C1QTNF7: variants seen among roughly 807,000 people sequenced by gnomAD.
C1QTNF7 encodes C1q and TNF related 7, also known as complement C1q tumor necrosis factor-related protein 7.
In C1QTNF7, 15 loss-of-function variants were observed where a neutral mutation model predicts 19.6. The observed-to-expected ratio is 0.76, with a 90% CI of 0.51 to 1.18. The LOEUF (loss-of-function observed/expected upper bound fraction) is 1.18, where lower values mean the gene tolerates loss of function less well. Among genes scored for constraint, C1QTNF7 ranks in the 50% most tolerant of loss-of-function variants. The pLI is 0.00. For synonymous variants in C1QTNF7, 142 were observed against 137.5 expected (o/e 1.03, Z -0.23); for missense variants, 324 against 359.7 (o/e 0.90, Z 0.80).
chr4:15,398,131 G>A (rs183622835), intron 1 of C1QTNF7, among the ~76,000 whole-genome samples: 2 of 152,252 alleles, frequency 1.3e-5, no homozygotes, highest in East Asian at 3.9e-4. Flanking sequence ...CCAGTCATGC[G>A]TCAGTTGCTG....
In C1QTNF7 at chr4:15,428,078, C is replaced by T. The variant is rs1712133951; in HGVS notation, c.-37C>T. The T allele has an allele frequency of 1.0e-6, 1 of 985,290 alleles. No homozygotes were observed. Among genetic ancestry groups the T allele is most frequent in the Non-Finnish European group, 1.2e-6 (1 of 829,920 alleles). 61.0% of individuals were successfully genotyped at this position (985,290 alleles called of 1,614,324 possible). A position where few individuals can be genotyped will look rare whatever the true frequency, so the allele number is the denominator to read the frequency against. The stretch of plus-strand genomic sequence containing the variant: ...CCTCAGTCTCTTGTGGATTTAGAAT[C>T]CTGCAGCAGCCCACCATCTAAGAGC... On this transcript the variant is annotated 5_prime_UTR_variant, in exon 1 of 3. Transcript: ENST00000444304.
At chr4:15,382,471 A>G (rs1261554430) in intron 1 of C1QTNF7, among the ~76,000 whole-genome samples, 4 of 152,132 alleles carry the variant, frequency 2.6e-5, no homozygotes, top group Non-Finnish European at 4.4e-5. Context: ...GAATGCTGCA[A>G]CCTTCAGCAA....
chr4:15,435,951 A>C lies in C1QTNF7; in HGVS notation c.208A>C (p.Lys70Gln), dbSNP rs952987406. Residue 70 changes from lysine to glutamine, a missense_variant, in exon 2 of 3, where the codon AAA becomes CAA. By Grantham distance (53) the Lys-to-Gln change is moderately conservative (BLOSUM62 1). Transcript: ENST00000444304. ...LPGRDGRDGR[K>Q]GEKGEKGTAG... ...AGGAAGAGATGGTAGAGACGGCAGG[A>C]AAGGAGAGAAAGGTGAAAAGGGAAC... The C allele has an allele frequency of 1.2e-6, 2 of 1,613,782 alleles. No homozygotes were observed. The highest frequency in any genetic ancestry group is 2.7e-5 in the African/African-American group (2 of 74,874).
At chr4:15,429,086 G>A (rs1406623317) in intron 1 of C1QTNF7, among the ~76,000 whole-genome samples, 1 of 152,170 alleles carries the variant, frequency 6.6e-6, no homozygotes, top group African/African-American at 2.4e-5. Context: ...CTTATAAAGT[G>A]AAGGTAATAG....
At chr4:15,344,070 G>A (rs563403195) in intron 1 of C1QTNF7, among the ~76,000 whole-genome samples, 30 of 152,292 alleles carry the variant, frequency 2.0e-4, no homozygotes, top group African/African-American at 6.3e-4. Context: ...GGCCTTCCAG[G>A]CAGAGAGGAG....
intron 1 of C1QTNF7, among the ~76,000 whole-genome samples, chr4:15,401,095 A>G (rs1038852493): frequency 2.0e-5 from 3 of 152,178 alleles, no homozygotes; most frequent in Non-Finnish European, 2.9e-5. Context: ...CCACACATAG[A>G]AGAAGTCAGA....
chr4:15,367,312 C>A (rs937845941), intron 1 of C1QTNF7, among the ~76,000 whole-genome samples: 1 of 152,172 alleles, frequency 6.6e-6, no homozygotes, highest in Non-Finnish European at 1.5e-5. Context: ...AGAATTAACT[C>A]CACTTAGGAA....
At chr4:15,424,837 C>G (rs1267427901), upstream of C1QTNF7, among the ~76,000 whole-genome samples, 1 of 152,150 alleles carries the variant, frequency 6.6e-6, no homozygotes, top group Non-Finnish European at 1.5e-5. Flanking sequence ...GCATTGGTTG[C>G]CTATCATTCT....
intron 2 of C1QTNF7, among the ~76,000 whole-genome samples, chr4:15,438,380 G>T (rs1712621541): frequency 6.6e-6 from 1 of 152,094 alleles, no homozygotes; most frequent in South Asian, 2.1e-4. Context: ...CTGTAACTGG[G>T]CACAACCTGG....
intron 1 of C1QTNF7, among the ~76,000 whole-genome samples, chr4:15,368,953 T>C (rs1717626938): frequency 1.3e-5 from 2 of 152,200 alleles, no homozygotes; most frequent in Non-Finnish European, 2.9e-5. Flanking sequence ...TTCTGAAATA[T>C]GTGGTTTTAA....
At chr4:15,396,239 G>T (rs1177397157) in intron 1 of C1QTNF7, among the ~76,000 whole-genome samples, 1 of 152,128 alleles carries the variant, frequency 6.6e-6, no homozygotes, top group Non-Finnish European at 1.5e-5. Flanking sequence ...GGGCCTCACT[G>T]CTCCAAATTC....
At chr4:15,368,611 G>A (rs532720387) in intron 1 of C1QTNF7, among the ~76,000 whole-genome samples, 1 of 152,296 alleles carries the variant, frequency 6.6e-6, no homozygotes, top group East Asian at 1.9e-4. Context: ...CCCTACAAAG[G>A]ACATGAACTC....
chr4:15,355,484 A>G lies in C1QTNF7; in HGVS notation c.13+15277A>G, dbSNP rs544303835. Among the ~76,000 whole-genome samples, 44 of 152,274 alleles carry G rather than the reference A, an allele frequency of 2.9e-4. No homozygotes were observed. The South Asian group carries it at 7.5e-3, about 26-fold the overall frequency. ...AAGGACTAGCAATGTGCAAGTTGTC[A>G]TAGATATTGAGATCGTGCACGGTGA... On this transcript the variant is annotated intron_variant, in intron 1 of 2. Transcript: ENST00000295297.
intron 1 of C1QTNF7, among the ~76,000 whole-genome samples, chr4:15,368,881 G>A (rs1193278772): frequency 6.6e-6 from 1 of 152,156 alleles, no homozygotes; most frequent in African/African-American, 2.4e-5. Flanking sequence ...AGTTCTTTAG[G>A]GCAGATGGTT....
intron 1 of C1QTNF7, among the ~76,000 whole-genome samples, chr4:15,405,115 A>C (rs1719144597): frequency 6.6e-6 from 1 of 152,188 alleles, no homozygotes; most frequent in African/African-American, 2.4e-5. Context: ...TTCTTCCTAT[A>C]ACAGGAAGTC....
intron 1 of C1QTNF7, among the ~76,000 whole-genome samples, chr4:15,393,872 ACT>A (rs1280274661): frequency 6.6e-6 from 1 of 152,064 alleles, no homozygotes; most frequent in East Asian, 1.9e-4. Context: ...CCAGACAGAA[ACT>A]CTGTTCCCAC....
chr4:15,435,095 G>C lies in C1QTNF7; in HGVS notation c.-8-641G>C, dbSNP rs145334215. Among the ~76,000 whole-genome samples, 591 of 152,302 alleles carry C rather than the reference G, an allele frequency of 3.9e-3. 3 individuals are homozygous for C. The highest frequency in any genetic ancestry group is 0.013 in the African/African-American group (555 of 41,556). On this transcript the variant is annotated intron_variant, in intron 1 of 2. Transcript: ENST00000444304. ...GATTAGCTAGAATGATGTCTAGCATGATGTTCATATTGGGAGAACTTTGGA... is the reference window on the plus strand; with the variant it reads ...GATTAGCTAGAATGATGTCTAGCATCATGTTCATATTGGGAGAACTTTGGA...
intron 1 of C1QTNF7, among the ~76,000 whole-genome samples, chr4:15,371,479 C>G (rs1717722955): frequency 6.6e-6 from 1 of 152,180 alleles, no homozygotes; most frequent in Non-Finnish European, 1.5e-5. Flanking sequence ...CTGGACATAT[C>G]TTAGTGAGCA....
intron 1 of C1QTNF7, among the ~76,000 whole-genome samples, chr4:15,370,595 C>T (rs1241483709): frequency 1.3e-5 from 2 of 152,086 alleles, no homozygotes; most frequent in Non-Finnish European, 2.9e-5. Context: ...CCAACTCACT[C>T]ATATTCAACA....
Sources: gnomAD v4.1 joint callset for allele counts (sites outside exome capture counted in the v4.1 genomes callset) on GRCh38, gnomAD v4.1.1 for gene constraint, MANE v1.5 for transcripts, NCBI Gene and HGNC (gene_info 2026-07-23, HGNC 2026-07-21) for gene names.